Variants in CFAP54 observed in about 807,000 individuals in gnomAD.
CFAP54 encodes the protein cilia- and flagella-associated protein 54.
In CFAP54, 290 loss-of-function variants were observed where a neutral mutation model predicts 370.4. That is an observed-to-expected ratio of 0.78 (90% confidence interval 0.71 to 0.86). The LOEUF (loss-of-function observed/expected upper bound fraction) is 0.86. Among genes scored for constraint, CFAP54 ranks in the 40% least tolerant of loss-of-function variants. CFAP54 has a pLI of 0.00. For synonymous variants in CFAP54, 1,206 were observed against 1,236.5 expected (o/e 0.98, Z 0.52); for missense variants, 3,399 against 3,528.7 (o/e 0.96, Z 0.93).
At chr12:96,698,474 A>G (rs1298850289) in intron 45 of CFAP54, among the ~76,000 whole-genome samples, 2 of 152,208 alleles carry the variant, frequency 1.3e-5, no homozygotes, top group Non-Finnish European at 2.9e-5. Flanking sequence ...TATATACACC[A>G]TGGAATAATA....
intron 14 of CFAP54, among the ~76,000 whole-genome samples, chr12:96,541,905 C>T (rs1955578715): frequency 6.6e-6 from 1 of 152,052 alleles, no homozygotes; most frequent in Non-Finnish European, 1.5e-5. Context: ...CCCCTCCCCA[C>T]CAGCCCCCAT....
intron 66 of CFAP54, among the ~76,000 whole-genome samples, chr12:96,857,780 G>A (rs911033574): frequency 2.0e-5 from 3 of 152,154 alleles, no homozygotes; most frequent in Admixed American, 2.0e-4. Flanking sequence ...GAGGGTGCTT[G>A]CTTTCCCTTT....
chr12:96,751,338 G>A (rs943953118), intron 55 of CFAP54, among the ~76,000 whole-genome samples: 4 of 152,062 alleles, frequency 2.6e-5, no homozygotes, highest in African/African-American at 9.7e-5. Flanking sequence ...TAGGGAGGGA[G>A]AGAAAATAGT....
At chr12:96,822,398 T>C (rs1036147168) in intron 65 of CFAP54, among the ~76,000 whole-genome samples, 2 of 152,202 alleles carry the variant, frequency 1.3e-5, no homozygotes, top group African/African-American at 4.8e-5. Context: ...TTAAAATTAA[T>C]ATATAGGGAG....
chr12:96,573,138 A>AT (rs1947378568), intron 19 of CFAP54: 4 of 713,752 alleles, frequency 5.6e-6, no homozygotes, highest in Non-Finnish European at 6.9e-6. Context: ...CCGAGGAAGG[A>AT]TATGTCTCCA....
chr12:96,801,418 C>G (rs778992030), intron 63 of CFAP54, among the ~76,000 whole-genome samples: 2 of 152,054 alleles, frequency 1.3e-5, no homozygotes, highest in Non-Finnish European at 2.9e-5. Context: ...AAATCTTATA[C>G]GGAGAAATAC....
chr12:96,490,827 A>G (rs1279715843), intron 1 of CFAP54, among the ~76,000 whole-genome samples: 2 of 152,140 alleles, frequency 1.3e-5, no homozygotes, highest in African/African-American at 4.8e-5. Context: ...AACATATAAG[A>G]ATCCATGTCC....
At chr12:96,698,435 A>C (rs969577671) in intron 45 of CFAP54, among the ~76,000 whole-genome samples, 3 of 152,192 alleles carry the variant, frequency 2.0e-5, no homozygotes, top group Non-Finnish European at 4.4e-5. Flanking sequence ...CTAAATGCCT[A>C]TCATTGTTAG....
rs531491282 is a variant in CFAP54 at position 96,658,065 on chromosome 12, A to G, written c.5284A>G (p.Thr1762Ala). 1.2e-6 allele frequency: 2 copies of G among 1,614,016 alleles called. No homozygotes were observed. The highest frequency in any genetic ancestry group is 1.3e-5 in the African/African-American group (1 of 75,036). The change falls in exon 37 of 68, where the codon ACA becomes GCA. Residue 1762 changes from threonine (T) to alanine (A), a missense_variant. Transcript: ENST00000524981. ...EVLYQVEKWE[T>A]LVSLAIQFNT... ...TTTATATCAAGTGGAAAAATGGGAA[A>G]CACTAGTATCTCTTGCCATTCAGTT...
At chr12:96,835,866 G>A (rs1959184593) in intron 66 of CFAP54, among the ~76,000 whole-genome samples, 1 of 152,180 alleles carries the variant, frequency 6.6e-6, no homozygotes, top group South Asian at 2.1e-4. Context: ...TCCTGCTGCA[G>A]CTGGTGTGAT....
chr12:96,815,743 G>A (rs372327549), intron 64 of CFAP54, among the ~76,000 whole-genome samples: 2 of 152,290 alleles, frequency 1.3e-5, no homozygotes, highest in South Asian at 2.1e-4. Flanking sequence ...TTTGTATAAG[G>A]TGTAAGGAAG....
intron 6 of CFAP54, among the ~76,000 whole-genome samples, chr12:96,520,532 T>C (rs1376223909): frequency 1.3e-5 from 2 of 152,038 alleles, no homozygotes; most frequent in Non-Finnish European, 2.9e-5. Context: ...TATATATATA[T>C]AAATTTATAT....
chr12:96,848,480 C>G (rs989140319), intron 66 of CFAP54, among the ~76,000 whole-genome samples: 1 of 152,094 alleles, frequency 6.6e-6, no homozygotes, highest in Non-Finnish European at 1.5e-5. Flanking sequence ...AGGTGGATCA[C>G]GAGGTCAAGA....
chr12:96,773,958 T>C (rs561405814), intron 60 of CFAP54, among the ~76,000 whole-genome samples: 1 of 152,222 alleles, frequency 6.6e-6, no homozygotes, highest in Non-Finnish European at 1.5e-5. Context: ...TATGCCACTT[T>C]GTACTCCTGT....
intron 66 of CFAP54, among the ~76,000 whole-genome samples, chr12:96,854,336 A>G (rs1000314078): frequency 6.6e-6 from 1 of 152,116 alleles, no homozygotes; most frequent in Admixed American, 6.5e-5. Flanking sequence ...AAATAGCAAA[A>G]CAACAACAAC....
chr12:96,872,796 G>C (rs1292272742), intron 67 of CFAP54, among the ~76,000 whole-genome samples: 1 of 152,134 alleles, frequency 6.6e-6, no homozygotes, highest in Non-Finnish European at 1.5e-5. Context: ...CTTGAGACAG[G>C]AGATAGGGTC....
At chr12:96,518,793 A>G in intron 5 of CFAP54, 135 bp from the exon 6 acceptor site, 1 of 746,622 alleles carries the variant, frequency 1.3e-6, no homozygotes, top group Non-Finnish European at 1.9e-6. Flanking sequence ...TTTCTTCTTG[A>G]CACGTTATTT....
chr12:96,859,828 T>A (rs558956985), intron 66 of CFAP54, among the ~76,000 whole-genome samples: 250 of 152,226 alleles, frequency 1.6e-3, no homozygotes, highest in Admixed American at 3.7e-3. Context: ...TCCATTTTTT[T>A]AAAAAAAAGA....
At chr12:96,661,400 T>A (rs1448500599) in intron 38 of CFAP54, among the ~76,000 whole-genome samples, 1 of 152,210 alleles carries the variant, frequency 6.6e-6, no homozygotes, top group African/African-American at 2.4e-5. Context: ...TAGCTGGCTA[T>A]CCATCAGAGG....
Sources: gnomAD v4.1 joint callset for allele counts (sites outside exome capture counted in the v4.1 genomes callset) on GRCh38, gnomAD v4.1.1 for gene constraint, MANE v1.5 for transcripts, NCBI Gene and HGNC (gene_info 2026-07-23, HGNC 2026-07-21) for gene names.